The following TENM4 variants were observed in gnomAD, a reference collection of about 807,000 sequenced individuals.
TENM4 encodes the protein teneurin transmembrane protein 4.
In TENM4, 82 loss-of-function variants were observed where a neutral mutation model predicts 243.3. That is an observed-to-expected ratio of 0.34 (90% CI 0.28 to 0.40). TENM4 has a LOEUF of 0.40. TENM4 is among the 10% of genes least tolerant of loss of function. TENM4 has a pLI of 1.00. For synonymous variants in TENM4, 1,412 were observed against 1,456.3 expected, an observed-to-expected ratio of 0.97 and a Z score of 0.69; for missense variants, 3,138 against 3,673.3, an observed-to-expected ratio of 0.85 and a Z score of 3.77.
intron 1 of TENM4, among the ~76,000 whole-genome samples, chr11:79,427,673 T>C (rs1381165336): frequency 6.6e-6 from 1 of 152,192 alleles, no homozygotes. Context: ...TTTTCTGTTG[T>C]TTATATGCAT....
Position 78,999,018 on chromosome 11 carries a change from T to A in TENM4, c.493+65720A>T, listed in dbSNP as rs11601621. 7.9e-3 allele frequency among the ~76,000 whole-genome samples: 1,206 copies of A among 152,298 alleles called. 9 individuals carry two copies. Among genetic ancestry groups the A allele is most frequent in the Non-Finnish European group, 0.013 (909 of 68,028 alleles). ...TGAATGTATTTCCCTTCATCTCACA[T>A]CTCCATTGGCAGAACATCTGGCTCA... On this transcript the variant is annotated intron_variant, in intron 6 of 33. Transcript: ENST00000278550.
chr11:78,903,359 G>A lies in TENM4; in HGVS notation c.658C>T (p.Leu220Phe). The change falls in exon 7 of 34, where the codon CTC becomes TTC. Residue 220 changes from leucine (L) to phenylalanine (F), a missense_variant. Around this residue, in one of 2 missense-constraint regions of TENM4, gnomAD observed 671 missense variants for 614.1 expected, o/e 1.09. Coordinates refer to ENST00000278550, the MANE Select transcript of TENM4 (RefSeq NM_001098816.3). ...NPSPAPTDHS[L>F]SGEPPAGGAQ... is the part of the protein sequence containing the mutation. ...CCGCCGGCAGGGGGCTCTCCGGAGA[G>A]CGAGTGGTCCGTGGGGGCCGGGCTG... 5 of 1,496,468 alleles carry A rather than the reference G, an allele frequency of 3.3e-6. No individual in the cohort carries two copies. The highest frequency in any genetic ancestry group is 4.5e-6 in the Non-Finnish European group (5 of 1,123,484). 92.7% of individuals were successfully genotyped at this position (1,496,468 alleles called of 1,614,324 possible).
chr11:79,215,963 T>TC (rs1279188806), intron 2 of TENM4, 54 bp from the exon 3 acceptor site: 1 of 626,926 alleles, frequency 1.6e-6, no homozygotes, highest in Admixed American at 6.3e-5. Context: ...GATGCCCCAA[T>TC]CCTTTCTCAC....
intron 6 of TENM4, among the ~76,000 whole-genome samples, chr11:78,992,018 A>G (rs1858058926): frequency 6.6e-6 from 1 of 152,232 alleles, no homozygotes; most frequent in Admixed American, 6.5e-5. Context: ...AATTTGAAAA[A>G]TAGTGACTCA....
intron 2 of TENM4, among the ~76,000 whole-genome samples, chr11:79,242,351 G>C (rs568500265): frequency 2.6e-5 from 4 of 151,756 alleles, no homozygotes; most frequent in Non-Finnish European, 2.9e-5. Context: ...ACCCAACACC[G>C]ATGACCAATA....
chr11:79,260,080 C>A (rs1855770474), intron 2 of TENM4, among the ~76,000 whole-genome samples: 1 of 152,140 alleles, frequency 6.6e-6, no homozygotes, highest in Admixed American at 6.5e-5. Context: ...GTAGAATGAA[C>A]AAACATTGTG....
At chr11:78,892,912 C>T (rs1454160761) in intron 7 of TENM4, among the ~76,000 whole-genome samples, 2 of 152,356 alleles carry the variant, frequency 1.3e-5, no homozygotes, top group South Asian at 2.1e-4. Context: ...TCTCTCTCTG[C>T]ACAGCTTTGT....
chr11:79,188,009 G>T (rs1863409628), intron 3 of TENM4, among the ~76,000 whole-genome samples: 1 of 152,210 alleles, frequency 6.6e-6, no homozygotes, highest in African/African-American at 2.4e-5. Flanking sequence ...TGTTTCAGTA[G>T]AGCTTGGGAG....
In TENM4 at chr11:79,125,577, G is replaced by A. The variant is rs142980839; in HGVS notation, c.-66+23133C>T. 6.3e-4 allele frequency among the ~76,000 whole-genome samples: 96 copies of A among 152,228 alleles called. 2 individuals carry two copies. Among genetic ancestry groups the A allele is most frequent in the African/African-American group, 2.2e-3 (90 of 41,542 alleles). On this transcript the variant is annotated intron_variant, in intron 4 of 33. Transcript: ENST00000278550. ...ACTTGGAATGGGGGGTGTGTGGGAC[G>A]ACCCTGATGAAGCTGGGGATTCTGA... is the stretch of plus-strand genomic sequence containing the variant.
chr11:78,926,275 CTTTTT>C (rs34301647), intron 6 of TENM4, among the ~76,000 whole-genome samples: 2 of 127,326 alleles, frequency 1.6e-5, no homozygotes, highest in African/African-American at 2.9e-5. Context: ...AAAGAACTGA[CTTTTT>C]TTTTTTTTTT....
chr11:78,804,484 G>A (rs556939775), intron 15 of TENM4, among the ~76,000 whole-genome samples: 15 of 152,236 alleles, frequency 9.9e-5, no homozygotes, highest in Non-Finnish European at 1.5e-4. Flanking sequence ...GAGATGAGAC[G>A]TGACCATAAC....
At chr11:78,792,296 G>A (rs545032690) in intron 15 of TENM4, among the ~76,000 whole-genome samples, 1 of 152,232 alleles carries the variant, frequency 6.6e-6, no homozygotes, top group South Asian at 2.1e-4. Context: ...CTCTTCCTCT[G>A]GTCACCTAGC....
chr11:78,733,307 C>T (rs1298546692), intron 20 of TENM4, among the ~76,000 whole-genome samples: 2 of 152,222 alleles, frequency 1.3e-5, no homozygotes, highest in Non-Finnish European at 2.9e-5. Flanking sequence ...CTCTGTTCAT[C>T]AGCCTCTGAG....
At chr11:79,198,890 G>A (rs1234095683) in intron 3 of TENM4, among the ~76,000 whole-genome samples, 3 of 152,202 alleles carry the variant, frequency 2.0e-5, no homozygotes, top group Non-Finnish European at 4.4e-5. Context: ...GACCTGATCT[G>A]CCTGGTCTGG....
In TENM4 at chr11:78,958,473, C is replaced by T. The variant is rs190468587; in HGVS notation, c.494-54950G>A. Among the ~76,000 whole-genome samples, 438 of 152,328 alleles carry T rather than the reference C, an allele frequency of 2.9e-3. 2 individuals are homozygous for T. Among genetic ancestry groups the T allele is most frequent in the Non-Finnish European group, 5.3e-3 (361 of 68,030 alleles). ...CTTTCTTTATATATATCAGTGATTT[C>T]TGGATGATTACCCTTGGGGAAGGAT... is the stretch of plus-strand genomic sequence containing the variant. On this transcript the variant is annotated intron_variant, in intron 6 of 33. Coordinates refer to ENST00000278550, the MANE Select transcript of TENM4 (RefSeq NM_001098816.3).
At chr11:78,769,822 C>T (rs908396350) in intron 18 of TENM4, among the ~76,000 whole-genome samples, 5 of 152,242 alleles carry the variant, frequency 3.3e-5, no homozygotes, top group African/African-American at 9.6e-5. Flanking sequence ...AAGAACAGTG[C>T]TCCGAAACAG....
rs1855627421 is a variant in TENM4 at position 78,890,004 on chromosome 11, G to C, written c.865C>G (p.Pro289Ala). Residue 289 changes from proline (P) to alanine (A), a missense_variant, in exon 9 of 34, where the codon CCT becomes GCT. Pro to Ala is a conservative substitution (Grantham distance 27). This residue lies in a region of TENM4 where 671 missense variants were observed against 614.1 expected (regional missense o/e 1.09). Transcript: ENST00000278550. Reference sequence around the variant, plus strand: ...CAGAAGAGCGGGGAGGTGCCTCCAGGCTTGAAGAGGAAGTGCCTGCAGATG... The same window carrying C: ...CAGAAGAGCGGGGAGGTGCCTCCAGCCTTGAAGAGGAAGTGCCTGCAGATG... ...AYSDGHFLFK[P>A]GGTSPLFCTT... 6.5e-7 allele frequency: 1 copy of C among 1,541,940 alleles called. No homozygotes were observed. The highest frequency in any genetic ancestry group is 8.8e-7 in the Non-Finnish European group (1 of 1,140,114).
intron 4 of TENM4, among the ~76,000 whole-genome samples, chr11:79,100,905 C>T (rs1041098828): frequency 1.3e-5 from 2 of 152,148 alleles, no homozygotes; most frequent in African/African-American, 4.8e-5. Context: ...TTCTCCAGGC[C>T]CTTTCCCATC....
chr11:78,863,072 A>G lies in TENM4; in HGVS notation c.1145T>C (p.Ile382Thr), dbSNP rs1390829132. The G allele has an allele frequency of 1.3e-6, 2 of 1,535,438 alleles. No individual in the cohort carries two copies. The highest frequency in any genetic ancestry group is 4.0e-5 in the Admixed American group (2 of 50,576). ...LQPMEGQMYE[I>T]TEDTASSWPV... ...CCAACTGCTGGCTGTGTCCTCCGTG[A>G]TCTCATACATCTGCCCCTCCATCGG... is the stretch of plus-strand genomic sequence containing the variant. The change falls in exon 10 of 34, where the codon ATC (isoleucine) becomes ACC (threonine). Residue 382 changes from isoleucine (I) to threonine (T), a missense_variant. Ile to Thr is a moderately conservative substitution (Grantham distance 89). This residue lies in a region of TENM4 where 671 missense variants were observed against 614.1 expected (regional missense o/e 1.09). Transcript: ENST00000278550.
Sources: gnomAD v4.1 joint callset for allele counts (sites outside exome capture counted in the v4.1 genomes callset) on GRCh38, gnomAD v4.1.1 for gene constraint, gnomAD v4.1.1 regional missense constraint, MANE v1.5 for transcripts, NCBI Gene and HGNC (gene_info 2026-07-23, HGNC 2026-07-21) for gene names.